DNAH9: variants seen among roughly 807,000 people sequenced by gnomAD.
DNAH9 encodes the protein DNAH9 variant protein.
DNAH9 carries 345 observed loss-of-function variants against 471.6 expected under a neutral mutation model. The observed-to-expected ratio is 0.73, with a 90% CI of 0.67 to 0.80. The LOEUF (loss-of-function observed/expected upper bound fraction) is 0.80, where lower values mean the gene tolerates loss of function less well. Among genes scored for constraint, DNAH9 ranks in the 30% least tolerant of loss-of-function variants. The pLI is 0.00. For synonymous variants in DNAH9, 2,093 were observed against 2,123.6 expected (o/e 0.99, Z 0.40); for missense variants, 5,407 against 5,609.2 (o/e 0.96, Z 1.15).
rs1398274353 is a variant in DNAH9 at position 11,757,680 on chromosome 17, C to T, written c.6983C>T (p.Thr2328Ile). 6.2e-7 allele frequency: 1 copy of T among 1,613,806 alleles called. No individual in the cohort carries two copies. The highest frequency in any genetic ancestry group is 8.5e-7 in the Non-Finnish European group (1 of 1,180,028). ...AAGTATCTTCCAACCTGCCTAGACA[C>T]ACTCAGAACCAGGTAGGCCAAGAAA... ...FDKYLPTCLDTLRTRFKKIIP... is the reference protein window; with the variant it reads ...FDKYLPTCLDILRTRFKKIIP... Residue 2328 changes from threonine (T) to isoleucine (I), a missense_variant, in exon 35 of 69, where the codon ACA becomes ATA. Thr to Ile is a moderately conservative substitution (Grantham distance 89, BLOSUM62 -1). Transcript: ENST00000262442.
chr17:11,750,492 G>A (rs1484060949), intron 32 of DNAH9, among the ~76,000 whole-genome samples: 2 of 151,986 alleles, frequency 1.3e-5, no homozygotes, highest in African/African-American at 4.8e-5. Flanking sequence ...TTTCCTGATT[G>A]GTTCATGTAA....
chr17:11,657,941 A>C (rs2073684400), intron 14 of DNAH9, among the ~76,000 whole-genome samples: 1 of 152,190 alleles, frequency 6.6e-6, no homozygotes. Context: ...TCTGAAAATC[A>C]GGTTCTATAT....
chr17:11,744,526 G>T (rs1382419474), intron 30 of DNAH9, among the ~76,000 whole-genome samples: 9 of 152,142 alleles, frequency 5.9e-5, no homozygotes, highest in Non-Finnish European at 1.5e-5. Context: ...TAGCCAGATA[G>T]GTTTGAAAAT....
chr17:11,891,893 C>T lies in DNAH9; in HGVS notation c.11229C>T (p.Ile3743=). 1 of 1,614,142 alleles carries T rather than the reference C, an allele frequency of 6.2e-7. No homozygotes were observed. The highest frequency in any genetic ancestry group is 8.5e-7 in the Non-Finnish European group (1 of 1,180,010). The part of the protein sequence containing the change: ...SITFSVYQYT[I]RGLFECDKLT... ...CCTTCTCTGTGTACCAGTACACCATCCGCGGGCTCTTTGAGTGTGATAAGC... is the reference window on the plus strand; with the variant it reads ...CCTTCTCTGTGTACCAGTACACCATTCGCGGGCTCTTTGAGTGTGATAAGC... Residue 3743 remains isoleucine (I), a synonymous_variant, in exon 58 of 69, where the codon ATC becomes ATT. Coordinates refer to ENST00000262442, the MANE Select transcript of DNAH9 (RefSeq NM_001372.4).
At position 11,607,811 on chromosome 17, in the gene DNAH9, C is replaced by G. The variant is rs186393309; in HGVS notation, c.418-318C>G. Among the ~76,000 whole-genome samples the G allele has an allele frequency of 1.1e-4, 16 of 152,208 alleles. No individual in the cohort carries two copies. The East Asian group carries it at 2.9e-3, about 28-fold the overall frequency. ...TCTCGAACTCCCGACCTCAGGTGAT[C>G]CACCTGCCTCAGCCTCCCAAAGTGC... On this transcript the variant is annotated intron_variant, in intron 1 of 68. Transcript: ENST00000262442.
chr17:11,694,517 G>A (rs2074394039), intron 22 of DNAH9, 70 bp downstream of exon 22: 14 of 1,559,736 alleles, frequency 9.0e-6, no homozygotes, highest in Middle Eastern at 1.8e-4. Flanking sequence ...GCAGTTTCTG[G>A]CTCCCCATCA....
intron 14 of DNAH9, among the ~76,000 whole-genome samples, chr17:11,663,056 G>A (rs919807940): frequency 6.6e-5 from 10 of 152,060 alleles, no homozygotes; most frequent in East Asian, 1.9e-4. Context: ...CGCCCGGCCC[G>A]AGGCTCGCTT....
At chr17:11,617,657 TG>T in intron 5 of DNAH9, 35 bp downstream of exon 5, 2 of 1,515,866 alleles carry the variant, frequency 1.3e-6, no homozygotes, top group Non-Finnish European at 1.8e-6. Context: ...AACTGCTCCC[TG>T]GGGGCTGGTT....
At chr17:11,811,359 G>T (rs1333649150) in intron 45 of DNAH9, among the ~76,000 whole-genome samples, 1 of 152,066 alleles carries the variant, frequency 6.6e-6, no homozygotes, top group East Asian at 1.9e-4. Context: ...AGATAAAGAG[G>T]CAGGGAGAAG....
rs1233944626 is a variant in DNAH9, at chr17:11,881,494, G to A, written c.10806+81G>A. ...CTGGGAGAGGTTGCAGAGGGGGGCTGTTTTTCCTGGATTGAGTTAGGTGGG... is the reference window on the plus strand; with the variant it reads ...CTGGGAGAGGTTGCAGAGGGGGGCTATTTTTCCTGGATTGAGTTAGGTGGG... On this transcript the variant is annotated intron_variant, in intron 55 of 68. Transcript: ENST00000262442. 5.6e-6 allele frequency: 8 copies of A among 1,423,870 alleles called. No homozygotes were observed. In the Admixed American group the frequency reaches 1.4e-4, roughly 25 times the overall value. The allele number at this position is 1,423,870 out of a possible 1,614,324, so 88.2% of individuals were successfully genotyped here. A position where few individuals can be genotyped will look rare whatever the true frequency, so the allele number is the denominator to read the frequency against.
chr17:11,865,767 A>G (rs1972028517), intron 50 of DNAH9, among the ~76,000 whole-genome samples: 1 of 151,818 alleles, frequency 6.6e-6, no homozygotes, highest in African/African-American at 2.4e-5. Flanking sequence ...CATTTCATTC[A>G]TTTCATCTTC....
chr17:11,918,773 G>A (rs368814251), intron 61 of DNAH9, among the ~76,000 whole-genome samples: 24 of 151,906 alleles, frequency 1.6e-4, no homozygotes, highest in African/African-American at 5.3e-4. Context: ...ATCACCTGAG[G>A]TCAGGAGTCT....
rs531290447 is a variant in DNAH9, at chr17:11,880,610, G to A, written c.10601+410G>A. On this transcript the variant is annotated intron_variant, in intron 54 of 68. Coordinates refer to ENST00000262442, the MANE Select transcript of DNAH9 (RefSeq NM_001372.4). ...TGCTTTGAGTGCTGGCTCATGATGA[G>A]GGCTTAGCAAGCACAAGGCAAAGCA... 5.5e-4 allele frequency among the ~76,000 whole-genome samples: 84 copies of A among 152,210 alleles called. 2 individuals carry two copies. The highest frequency in any genetic ancestry group is 2.2e-4 in the Non-Finnish European group (15 of 68,018).
chr17:11,762,385 T>A (rs1231292330), intron 35 of DNAH9, among the ~76,000 whole-genome samples: 4 of 152,152 alleles, frequency 2.6e-5, no homozygotes, highest in Non-Finnish European at 5.9e-5. Context: ...CATATACATG[T>A]GGTGTGATGA....
chr17:11,744,800 C>A lies in DNAH9; in HGVS notation c.6115C>A (p.His2039Asn). ...TTTGATCTAACACTGCCCACAGGAT[C>A]ACTACGACTGGGGCCTACGGGCCAT... ...LCKELLSKQDHYDWGLRAIKS... is the reference protein window; with the variant it reads ...LCKELLSKQDNYDWGLRAIKS... Residue 2039 changes from histidine (H) to asparagine (N), a missense_variant, in exon 31 of 69, where the codon CAC becomes AAC. Physicochemically the swap from His to Asn is moderately conservative, Grantham distance 68 (BLOSUM62 1). Around this residue, in one of 3 missense-constraint regions of DNAH9, gnomAD observed 4,636 missense variants for 4,900.3 expected, o/e 0.95. Transcript: ENST00000262442. 3.1e-6 allele frequency: 5 copies of A among 1,610,716 alleles called. No homozygotes were observed. The highest frequency in any genetic ancestry group is 4.2e-6 in the Non-Finnish European group (5 of 1,177,710).
chr17:11,705,347 T>C lies in DNAH9; in HGVS notation c.5552+162T>C, dbSNP rs1347212639. On this transcript the variant is annotated intron_variant, in intron 26 of 68. Transcript: ENST00000262442. ...TGTTTAAAGTGAAACTGAAAGGATG[T>C]AGGGCAGAGCCTTTCTTGGAACAAA... 1.6e-5 allele frequency: 10 copies of C among 615,318 alleles called. No homozygotes were observed. In the East Asian group the frequency reaches 2.5e-4, roughly 15 times the overall value. The allele number at this position is 615,318 out of a possible 1,614,324, so 38.1% of individuals were successfully genotyped here. A position where few individuals can be genotyped will look rare whatever the true frequency, so the allele number is the denominator to read the frequency against.
At chr17:11,723,731 G>A (rs187251930) in intron 27 of DNAH9, among the ~76,000 whole-genome samples, 3,090 of 151,718 alleles carry the variant, frequency 0.02, 57 homozygotes, top group Non-Finnish European at 0.032. Context: ...GCAGTGGCAC[G>A]ATCTCAGCTC....
In DNAH9 at chr17:11,608,215, C is replaced by T; in HGVS notation, c.504C>T (p.Ser168=). The T allele has an allele frequency of 1.2e-6, 2 of 1,614,016 alleles. No homozygotes were observed. Among genetic ancestry groups the T allele is most frequent in the Non-Finnish European group, 1.7e-6 (2 of 1,179,878 alleles). ...AGGATGTCAGGCGGCACGCCCACAG[C>T]CTCCAATGTGACCTCTCAGTTATAC... ...ICEDVRRHAH[S]LQCDLSVILE... Residue 168 remains serine, a synonymous_variant, in exon 2 of 69, where the codon AGC becomes AGT. Transcript: ENST00000262442.
At chr17:11,964,684 T>C (rs558886049) in intron 68 of DNAH9, among the ~76,000 whole-genome samples, 4 of 152,204 alleles carry the variant, frequency 2.6e-5, no homozygotes, top group Non-Finnish European at 5.9e-5. Flanking sequence ...TGAATCTCAG[T>C]AGGAAGAACA....
Sources: allele counts gnomAD v4.1 joint callset (sites outside exome capture counted in the v4.1 genomes callset), GRCh38; gene constraint gnomAD v4.1.1; regional missense constraint gnomAD v4.1.1; transcripts MANE v1.5; gene names NCBI Gene and HGNC (gene_info 2026-07-23, HGNC 2026-07-21).